Variants in TUSC3 observed in about 807,000 individuals in gnomAD.
TUSC3 encodes tumor suppressor candidate 3.
Under a neutral mutation model 44.8 loss-of-function variants are expected in TUSC3, and 45 were observed. The ratio of observed to expected loss-of-function variants is 1.00; its 90% CI spans 0.79 to 1.29. The LOEUF is 1.29. Ranked by LOEUF, TUSC3 falls within the 50% of genes most tolerant of loss-of-function variation. The pLI is 0.00. For missense variants in TUSC3, 519 were observed against 437.9 expected (o/e 1.19, Z -1.65); for synonymous variants, 212 against 152.9 (o/e 1.39, Z -2.85).
At chr8:15,706,502 G>A (rs1279056742) in intron 6 of TUSC3, among the ~76,000 whole-genome samples, 1 of 151,958 alleles carries the variant, frequency 6.6e-6, no homozygotes, top group Non-Finnish European at 1.5e-5. Context: ...TTATCATTCA[G>A]ACAGATGTCA....
the TUSC3 span, among the ~76,000 whole-genome samples, chr8:15,809,518 G>C: frequency 6.6e-6 from 1 of 152,122 alleles, no homozygotes; most frequent in African/African-American, 2.4e-5. Context: ...TGAAACTGTA[G>C]ATTGTATCTA....
At chr8:15,820,059 T>C in the TUSC3 span, among the ~76,000 whole-genome samples, 1 of 152,206 alleles carries the variant, frequency 6.6e-6, no homozygotes, top group Non-Finnish European at 1.5e-5. Flanking sequence ...AGATTTTTGT[T>C]ATGAATTGCT....
intron 1 of TUSC3, among the ~76,000 whole-genome samples, chr8:15,468,836 T>C (rs1800447867): frequency 6.6e-6 from 1 of 152,104 alleles, no homozygotes; most frequent in Non-Finnish European, 1.5e-5. Flanking sequence ...CAAATATCTT[T>C]CTGTTTTAGA....
intron 6 of TUSC3, among the ~76,000 whole-genome samples, chr8:15,724,216 G>A (rs1257574872): frequency 6.6e-6 from 1 of 152,056 alleles, no homozygotes; most frequent in Non-Finnish European, 1.5e-5. Flanking sequence ...AATCCCATTG[G>A]CACCTTCATC....
intron 6 of TUSC3, among the ~76,000 whole-genome samples, chr8:15,720,076 A>G (rs1259772145): frequency 6.6e-6 from 1 of 151,892 alleles, no homozygotes; most frequent in Non-Finnish European, 1.5e-5. Context: ...TTGCCACCAC[A>G]CTCAAGTAAT....
At chr8:15,716,508 T>TA (rs1206304124) in intron 6 of TUSC3, among the ~76,000 whole-genome samples, 2 of 151,974 alleles carry the variant, frequency 1.3e-5, no homozygotes, top group East Asian at 1.9e-4. Flanking sequence ...AATTTATGGG[T>TA]AAAAAATTGA....
chr8:15,738,827 C>CTTTTTTTTTTCTTTCTTTCTTTTT (rs1373248681), intron 7 of TUSC3, among the ~76,000 whole-genome samples: 17 of 87,174 alleles, frequency 2.0e-4, no homozygotes, highest in Admixed American at 4.6e-4. Context: ...ATATATCTTG[C>CTTTTTTTTTTCTTTCTTTCTTTTT]TTTTTTTTTT....
chr8:15,540,139 G>C (rs554156340), upstream of TUSC3: 20 of 387,348 alleles, frequency 5.2e-5, no homozygotes, highest in Non-Finnish European at 5.9e-5. Flanking sequence ...GCTGGTCCGG[G>C]AAAGGCAAGC....
chr8:15,610,646 A>C (rs1388752691), intron 1 of TUSC3, among the ~76,000 whole-genome samples: 1 of 152,240 alleles, frequency 6.6e-6, no homozygotes, highest in African/African-American at 2.4e-5. Flanking sequence ...TTTGAACCAG[A>C]GAATAAATAG....
At chr8:15,822,302 G>A in the TUSC3 span, among the ~76,000 whole-genome samples, 1 of 152,122 alleles carries the variant, frequency 6.6e-6, no homozygotes, top group Non-Finnish European at 1.5e-5. Flanking sequence ...GACTTCATAA[G>A]GAAGAGACTA....
At chr8:15,717,109 T>C (rs1181211127) in intron 6 of TUSC3, among the ~76,000 whole-genome samples, 1 of 152,154 alleles carries the variant, frequency 6.6e-6, no homozygotes, top group Non-Finnish European at 1.5e-5. Flanking sequence ...AAAACAACGC[T>C]ATGACATTAT....
In TUSC3 at chr8:15,707,934, C is replaced by T. The variant is rs541573634; in HGVS notation, c.799-22732C>T. On this transcript the variant is annotated intron_variant, in intron 6 of 10. Transcript: ENST00000503731. ...TCTAGTAGTTGCTGGCAATTGCTAG[C>T]GTTCCTTGGCTTGTATTAATAGATG... Among the ~76,000 whole-genome samples, 446 of 152,036 alleles carry T rather than the reference C, an allele frequency of 2.9e-3. 26 individuals are homozygous for T. In the South Asian group the frequency reaches 0.091, roughly 31 times the overall value.
chr8:15,784,465 CATGA>C, the TUSC3 span, among the ~76,000 whole-genome samples: 45 of 152,014 alleles, frequency 3.0e-4, no homozygotes, highest in Admixed American at 2.3e-3. Context: ...AAGTGCCCAT[CATGA>C]ATGAATGGAT....
intron 1 of TUSC3, among the ~76,000 whole-genome samples, chr8:15,582,205 G>A (rs1350015246): frequency 6.6e-6 from 1 of 152,302 alleles, no homozygotes; most frequent in Admixed American, 6.5e-5. Flanking sequence ...TGCGCCCACT[G>A]TCTGGCACTC....
chr8:15,429,715 G>A (rs1422984772), intron 1 of TUSC3, among the ~76,000 whole-genome samples: 2 of 151,448 alleles, frequency 1.3e-5, no homozygotes, highest in Non-Finnish European at 2.9e-5. Context: ...GGATTCTTAG[G>A]TATTTTATTC....
the TUSC3 span, among the ~76,000 whole-genome samples, chr8:15,775,033 A>G: frequency 6.6e-6 from 1 of 152,318 alleles, no homozygotes; most frequent in South Asian, 2.1e-4. Flanking sequence ...TCATATCACT[A>G]TTCACAATTG....
At chr8:15,751,514 A>G (rs1295906497) in intron 9 of TUSC3, among the ~76,000 whole-genome samples, 1 of 152,118 alleles carries the variant, frequency 6.6e-6, no homozygotes. Flanking sequence ...ATTTTCTAGG[A>G]GGAAGTGATT....
At chr8:15,758,611 C>T (rs1435459234) in intron 10 of TUSC3, among the ~76,000 whole-genome samples, 1 of 152,006 alleles carries the variant, frequency 6.6e-6, no homozygotes, top group Non-Finnish European at 1.5e-5. Flanking sequence ...CGTTCAGCAA[C>T]CCACTGAACG....
At chr8:15,696,853 T>A (rs1024944032) in intron 6 of TUSC3, among the ~76,000 whole-genome samples, 1 of 152,216 alleles carries the variant, frequency 6.6e-6, no homozygotes, top group African/African-American at 2.4e-5. Context: ...TGTGGTATAG[T>A]GTCAGTAGAA....
Sources: gnomAD v4.1 joint callset for allele counts (sites outside exome capture counted in the v4.1 genomes callset) on GRCh38, gnomAD v4.1.1 for gene constraint, MANE v1.5 for transcripts, NCBI Gene and HGNC (gene_info 2026-07-23, HGNC 2026-07-21) for gene names.